Variants in ANKIB1 observed in about 807,000 individuals in gnomAD.
ANKIB1 encodes ankyrin repeat and IBR domain containing 1.
A neutral mutation model predicts 122.1 loss-of-function variants in ANKIB1; 43 were observed. The ratio of observed to expected loss-of-function variants is 0.35; its 90% CI spans 0.28 to 0.45. ANKIB1 has a LOEUF of 0.45. Ranked by LOEUF, ANKIB1 falls within the 20% of genes least tolerant of loss-of-function variation. ANKIB1 has a pLI of 1.00. For missense variants in ANKIB1, 992 were observed against 1,329.5 expected (o/e 0.75, Z 3.95); for synonymous variants, 390 against 442.0 (o/e 0.88, Z 1.48).
At chr7:92,351,659 T>C (rs1803665389) in intron 8 of ANKIB1, among the ~76,000 whole-genome samples, 1 of 151,920 alleles carries the variant, frequency 6.6e-6, no homozygotes, top group South Asian at 2.1e-4. Flanking sequence ...AACTGCTTTG[T>C]GCAGATTTTA....
At chr7:92,288,150 A>G (rs1167113805) in intron 1 of ANKIB1, among the ~76,000 whole-genome samples, 1 of 152,166 alleles carries the variant, frequency 6.6e-6, no homozygotes, top group Non-Finnish European at 1.5e-5. Flanking sequence ...AAGTGAATTT[A>G]TCACATTTGC....
intron 8 of ANKIB1, 60 bp downstream of exon 8, chr7:92,351,154 A>G (rs2099779008): frequency 1.6e-6 from 2 of 1,281,402 alleles, no homozygotes; most frequent in African/African-American, 1.5e-5. Context: ...TTAAACCTTT[A>G]TAACATTATT....
intron 1 of ANKIB1, among the ~76,000 whole-genome samples, chr7:92,260,947 A>C (rs902071488): frequency 2.0e-5 from 3 of 152,190 alleles, no homozygotes; most frequent in Non-Finnish European, 4.4e-5. Flanking sequence ...ACTTGAAAAA[A>C]TCCTGTAACT....
chr7:92,341,948 A>G, intron 5 of ANKIB1, among the ~76,000 whole-genome samples: 1 of 152,196 alleles, frequency 6.6e-6, no homozygotes, highest in East Asian at 1.9e-4. Context: ...TTATATACGT[A>G]CTTGTTTATT....
intron 9 of ANKIB1, 67 bp from the exon 10 acceptor site, chr7:92,362,118 A>G (rs953167905): frequency 1.4e-6 from 2 of 1,467,366 alleles, no homozygotes; most frequent in Non-Finnish European, 9.3e-7. Context: ...GCCTCTACAC[A>G]CTTTTTTTAC....
intron 2 of ANKIB1, among the ~76,000 whole-genome samples, chr7:92,296,040 A>T (rs79565048): frequency 0.015 from 2,306 of 152,272 alleles, 52 homozygotes; most frequent in African/African-American, 0.052. Flanking sequence ...GAACTTGATT[A>T]AAAAAACTTA....
At chr7:92,255,994 A>C (rs1801436479) in intron 1 of ANKIB1, among the ~76,000 whole-genome samples, 1 of 152,220 alleles carries the variant, frequency 6.6e-6, no homozygotes, top group Non-Finnish European at 1.5e-5. Context: ...ATAAACATTT[A>C]ATTATAGTTT....
At position 92,269,801 on chromosome 7, in the gene ANKIB1, T is replaced by A. The variant is rs1056252087; in HGVS notation, c.-91+23282T>A. ...AATACAGTTTCTGGTCTTTTTTTTT[T>A]TAAAAAAAATTATACTTTAAGTTCT... On this transcript the variant is annotated intron_variant, in intron 1 of 19. Transcript: ENST00000265742. Among the ~76,000 whole-genome samples the A allele has an allele frequency of 4.6e-5, 7 of 152,114 alleles. 1 individual carries two copies. The highest frequency in any genetic ancestry group is 4.8e-5 in the African/African-American group (2 of 41,486).
chr7:92,264,403 T>G (rs1801627110), intron 1 of ANKIB1, among the ~76,000 whole-genome samples: 1 of 152,054 alleles, frequency 6.6e-6, no homozygotes, highest in Admixed American at 6.6e-5. Context: ...AAATTTTTTT[T>G]TTTTTAAATT....
intron 1 of ANKIB1, among the ~76,000 whole-genome samples, chr7:92,285,295 G>A (rs561792356): frequency 1.1e-3 from 169 of 152,310 alleles, no homozygotes; most frequent in Non-Finnish European, 1.9e-3. Flanking sequence ...GATTACAGAC[G>A]TGAGCCACTG....
At chr7:92,377,085 C>T (rs1458781521) in intron 11 of ANKIB1, among the ~76,000 whole-genome samples, 1 of 152,220 alleles carries the variant, frequency 6.6e-6, no homozygotes, top group Non-Finnish European at 1.5e-5. Context: ...AGAAGCCTAG[C>T]TTTCAGCTTA....
intron 1 of ANKIB1, among the ~76,000 whole-genome samples, chr7:92,280,982 G>T (rs1356485419): frequency 6.6e-6 from 1 of 152,102 alleles, no homozygotes; most frequent in Admixed American, 6.5e-5. Flanking sequence ...GATTCCCTTA[G>T]AGAACTCACA....
intron 10 of ANKIB1, among the ~76,000 whole-genome samples, chr7:92,365,243 T>C (rs1421132080): frequency 6.6e-6 from 1 of 152,098 alleles, no homozygotes; most frequent in Non-Finnish European, 1.5e-5. Context: ...ATGTGATAAC[T>C]TTTAGGGGAG....
At position 92,371,529 on chromosome 7, in the gene ANKIB1, A is replaced by G; in HGVS notation, c.1539A>G (p.Leu513=). 6.2e-7 allele frequency: 1 copy of G among 1,606,334 alleles called. No individual in the cohort carries two copies. Among genetic ancestry groups the G allele is most frequent in the Non-Finnish European group, 8.5e-7 (1 of 1,176,048 alleles). ...YEDAANCLWL[L]TNSKPCANCK... ...ATGCCGCCAATTGTCTCTGGTTATT[A>G]ACTAACTCCAAGCCTTGTGCCAACT... Residue 513 remains leucine (L), a synonymous_variant, in exon 11 of 20, where the codon TTA becomes TTG. Coordinates refer to ENST00000265742, the MANE Select transcript of ANKIB1 (RefSeq NM_019004.2).
chr7:92,389,863 C>T, intron 14 of ANKIB1, 108 bp from the exon 15 acceptor site: 2 of 1,186,202 alleles, frequency 1.7e-6, no homozygotes, highest in East Asian at 2.7e-5. Context: ...AGTTTTTGTC[C>T]TAATGATCCT....
intron 7 of ANKIB1, among the ~76,000 whole-genome samples, chr7:92,350,470 A>G (rs1037249882): frequency 6.6e-6 from 1 of 152,246 alleles, no homozygotes; most frequent in African/African-American, 2.4e-5. Flanking sequence ...ATTGATATAT[A>G]AAATGAATGC....
chr7:92,361,602 G>A (rs1162193342), intron 9 of ANKIB1, among the ~76,000 whole-genome samples: 1 of 151,956 alleles, frequency 6.6e-6, no homozygotes, highest in African/African-American at 2.4e-5. Flanking sequence ...AGCTCTGAAG[G>A]CTTGCAAATC....
chr7:92,331,426 C>T (rs750393013), intron 5 of ANKIB1, among the ~76,000 whole-genome samples: 5 of 152,144 alleles, frequency 3.3e-5, no homozygotes, highest in Non-Finnish European at 5.9e-5. Context: ...CACCACCATG[C>T]CTGGCTAATT....
At chr7:92,274,456 A>C (rs1801857957) in intron 1 of ANKIB1, among the ~76,000 whole-genome samples, 1 of 152,198 alleles carries the variant, frequency 6.6e-6, no homozygotes, top group African/African-American at 2.4e-5. Context: ...AGTGACTACT[A>C]TATTGAAGGG....
Sources: allele counts gnomAD v4.1 joint callset (sites outside exome capture counted in the v4.1 genomes callset), GRCh38; gene constraint gnomAD v4.1.1; transcripts MANE v1.5; gene names NCBI Gene and HGNC (gene_info 2026-07-23, HGNC 2026-07-21).